The following PTPRK variants were observed in gnomAD, a reference collection of about 807,000 sequenced individuals.
PTPRK encodes protein tyrosine phosphatase receptor type K.
PTPRK carries 75 observed loss-of-function variants against 178.0 expected under a neutral mutation model. The observed-to-expected ratio is 0.42, with a 90% confidence interval of 0.35 to 0.51. The LOEUF (loss-of-function observed/expected upper bound fraction) is 0.51. PTPRK is among the 20% of genes least tolerant of loss of function. The pLI is 0.02. For synonymous variants in PTPRK, 637 were observed against 620.6 expected (o/e 1.03, Z -0.39); for missense variants, 1,441 against 1,797.8 (o/e 0.80, Z 3.59).
At chr6:128,491,971 C>T (rs1853863362) in intron 1 of PTPRK, 1 of 390,658 alleles carries the variant, frequency 2.6e-6, no homozygotes, top group South Asian at 1.9e-5. Flanking sequence ...ATGAATTTAA[C>T]ATAATCTTCT....
chr6:128,381,275 AAATAATAAACC>A, intron 2 of PTPRK, among the ~76,000 whole-genome samples: 1 of 152,176 alleles, frequency 6.6e-6, no homozygotes, highest in African/African-American at 2.4e-5. Flanking sequence ...AAGACTTGAG[AAATAATAAACC>A]TTTTCCCAAA....
chr6:128,365,084 G>A (rs2128344431), intron 2 of PTPRK, among the ~76,000 whole-genome samples: 1 of 152,110 alleles, frequency 6.6e-6, no homozygotes, highest in Admixed American at 6.6e-5. Context: ...TTTGAAAATG[G>A]CAAAGAATGT....
At chr6:128,235,231 TAA>T (rs1477542724) in intron 5 of PTPRK, 13 of 152,512 alleles carry the variant, frequency 8.5e-5, no homozygotes, top group Admixed American at 2.0e-4. Flanking sequence ...GAATATTTTT[TAA>T]AAGTTTTGAA....
chr6:128,022,847 G>A (rs1270326747), intron 13 of PTPRK, among the ~76,000 whole-genome samples: 8 of 152,130 alleles, frequency 5.3e-5, no homozygotes, highest in Admixed American at 5.2e-4. Flanking sequence ...CAATTTGAGA[G>A]ACTAGAGAGC....
At chr6:128,037,840 T>A (rs1358698582) in intron 13 of PTPRK, among the ~76,000 whole-genome samples, 1 of 152,198 alleles carries the variant, frequency 6.6e-6, no homozygotes, top group Non-Finnish European at 1.5e-5. Flanking sequence ...ATTCTTCTAT[T>A]TGTCCCTGTA....
Position 128,317,581 on chromosome 6 carries a change from C to A in PTPRK, c.495+4458G>T, listed in dbSNP as rs1370042580. Among the ~76,000 whole-genome samples the A allele has an allele frequency of 4.6e-5, 7 of 152,092 alleles. No homozygotes were observed. The East Asian group carries it at 1.3e-3, about 29-fold the overall frequency. On this transcript the variant is annotated intron_variant, in intron 3 of 29. Coordinates refer to ENST00000368226, the MANE Select transcript of PTPRK (RefSeq NM_002844.4). ...GCTTAAGACACAACATGATGTATAA[C>A]AATGCTTTTGGCTGCACAGGAGAAT...
chr6:128,202,731 T>C (rs1041483160), intron 6 of PTPRK, among the ~76,000 whole-genome samples: 2 of 152,078 alleles, frequency 1.3e-5, no homozygotes, highest in African/African-American at 4.8e-5. Context: ...GATAGACCAA[T>C]GACAAATTCT....
chr6:128,330,787 A>C (rs1830160562), intron 2 of PTPRK, among the ~76,000 whole-genome samples: 1 of 151,860 alleles, frequency 6.6e-6, no homozygotes, highest in African/African-American at 2.4e-5. Context: ...CCTCTCCAAC[A>C]TTATTTCTTA....
At chr6:128,302,299 T>C in intron 3 of PTPRK, among the ~76,000 whole-genome samples, 1 of 139,122 alleles carries the variant, frequency 7.2e-6, no homozygotes, top group African/African-American at 2.7e-5. Context: ...GGCTGCGGCA[T>C]AAGAATGGTG....
intron 7 of PTPRK, among the ~76,000 whole-genome samples, chr6:128,138,042 TA>T (rs1417274746): frequency 2.0e-5 from 3 of 152,054 alleles, no homozygotes; most frequent in Non-Finnish European, 4.4e-5. Flanking sequence ...TTTATAAAAA[TA>T]AAGACTTATT....
intron 13 of PTPRK, among the ~76,000 whole-genome samples, chr6:128,017,655 C>T (rs187515141): frequency 9.4e-4 from 141 of 150,024 alleles, no homozygotes; most frequent in Admixed American, 4.5e-3. Context: ...TATTACCAAC[C>T]TCTCTTTCTG....
At chr6:128,429,266 T>C (rs1165900530) in intron 1 of PTPRK, among the ~76,000 whole-genome samples, 1 of 152,186 alleles carries the variant, frequency 6.6e-6, no homozygotes, top group Non-Finnish European at 1.5e-5. Context: ...AAACTTCAAG[T>C]TGCTTTTTCA....
intron 7 of PTPRK, among the ~76,000 whole-genome samples, chr6:128,127,221 AG>A (rs1212014749): frequency 6.6e-6 from 1 of 152,204 alleles, no homozygotes; most frequent in Non-Finnish European, 1.5e-5. Context: ...GGTTAACTGT[AG>A]TACTCCAACT....
intron 5 of PTPRK, among the ~76,000 whole-genome samples, chr6:128,233,437 T>A (rs1812641669): frequency 6.6e-6 from 1 of 152,226 alleles, no homozygotes; most frequent in Non-Finnish European, 1.5e-5. Context: ...ACCAACCGCT[T>A]TCACTGCCCC....
chr6:128,180,495 G>A (rs1488553104), intron 7 of PTPRK, among the ~76,000 whole-genome samples: 1 of 152,060 alleles, frequency 6.6e-6, no homozygotes, highest in Non-Finnish European at 1.5e-5. Flanking sequence ...GTAGGCTTCA[G>A]TGGCTTCAGC....
At chr6:128,138,020 A>G (rs566389659) in intron 7 of PTPRK, among the ~76,000 whole-genome samples, 20 of 152,308 alleles carry the variant, frequency 1.3e-4, no homozygotes, top group Middle Eastern at 3.4e-3. Context: ...TTTGACTTAC[A>G]AAATATACAG....
chr6:127,977,215 G>A (rs532677175), intron 25 of PTPRK, among the ~76,000 whole-genome samples, 161 bp from the exon 26 acceptor site: 1 of 152,226 alleles, frequency 6.6e-6, no homozygotes, highest in Non-Finnish European at 1.5e-5. Flanking sequence ...AGGAGATTCA[G>A]ACCACTGGAA....
At chr6:128,188,393 A>G (rs6929623) in intron 6 of PTPRK, among the ~76,000 whole-genome samples, 4,139 of 152,250 alleles carry the variant, frequency 0.027, 151 homozygotes, top group African/African-American at 0.064. Context: ...TGCAGAATAA[A>G]AAATAGAAGC....
At chr6:128,360,905 AAAT>A (rs1204239870) in intron 2 of PTPRK, among the ~76,000 whole-genome samples, 5 of 152,156 alleles carry the variant, frequency 3.3e-5, no homozygotes, top group African/African-American at 1.2e-4. Context: ...GAGTAACATG[AAAT>A]AACCTGTGTC....
Sources: allele counts gnomAD v4.1 joint callset (sites outside exome capture counted in the v4.1 genomes callset), GRCh38; gene constraint gnomAD v4.1.1; transcripts MANE v1.5; gene names NCBI Gene and HGNC (gene_info 2026-07-23, HGNC 2026-07-21).